The following CADM2 variants were observed in gnomAD, a reference collection of about 807,000 sequenced individuals.
The protein encoded by CADM2 is cell adhesion molecule 2.
In CADM2, 12 loss-of-function variants were observed where a neutral mutation model predicts 49.8. That is an observed-to-expected ratio of 0.24 (90% CI 0.15 to 0.39). The LOEUF (loss-of-function observed/expected upper bound fraction) is 0.39. Among genes scored for constraint, CADM2 ranks in the 10% least tolerant of loss-of-function variants. The probability of loss-of-function intolerance (pLI) is 1.00; values close to 1 mark genes in which losing one functional copy is unlikely to be tolerated. For synonymous variants in CADM2, 214 were observed against 175.4 expected, an observed-to-expected ratio of 1.22 and a Z score of -1.74; for missense variants, 378 against 492.3, an observed-to-expected ratio of 0.77 and a Z score of 2.20.
At chr3:85,262,831 A>G (rs1420589571) in intron 1 of CADM2, among the ~76,000 whole-genome samples, 1 of 152,146 alleles carries the variant, frequency 6.6e-6, no homozygotes, top group Non-Finnish European at 1.5e-5. Context: ...AGACACTTTC[A>G]CAATGTGAGG....
chr3:85,939,317 A>G (rs540288009), intron 7 of CADM2, among the ~76,000 whole-genome samples: 27 of 152,166 alleles, frequency 1.8e-4, no homozygotes, highest in Non-Finnish European at 3.5e-4. Context: ...ATGTCTGTCC[A>G]TTGTTTTAAT....
intron 1 of CADM2, among the ~76,000 whole-genome samples, chr3:85,189,070 TAAA>T (rs2107719903): frequency 1.3e-5 from 2 of 148,450 alleles, no homozygotes; most frequent in East Asian, 3.9e-4. Flanking sequence ...ATAAAATAAA[TAAA>T]TAAATAAATA....
intron 1 of CADM2, among the ~76,000 whole-genome samples, chr3:85,637,956 A>C (rs2064568736): frequency 6.6e-6 from 1 of 152,224 alleles, no homozygotes; most frequent in South Asian, 2.1e-4. Context: ...TCTGATGTTT[A>C]ATGCTGTATT....
chr3:85,448,155 C>T (rs1029864170), intron 1 of CADM2, among the ~76,000 whole-genome samples: 8 of 151,748 alleles, frequency 5.3e-5, no homozygotes, highest in African/African-American at 1.7e-4. Context: ...TACCGTGAAA[C>T]CCCGTCTCTA....
chr3:85,652,485 T>C (rs752716916), intron 1 of CADM2, among the ~76,000 whole-genome samples: 9 of 152,216 alleles, frequency 5.9e-5, no homozygotes, highest in Non-Finnish European at 7.3e-5. Context: ...ATCTCAATGC[T>C]TGACTTGGAA....
In CADM2 at chr3:85,257,939, C is replaced by T. The variant is rs554983549; in HGVS notation, c.61+298271C>T. On this transcript the variant is annotated intron_variant, in intron 1 of 9. Transcript: ENST00000383699. ...ACATCATAACCTGGGAGAGCTGTTACATCAGTATAATGTCTTTTTCTTAAA... is the reference window on the plus strand; with the variant it reads ...ACATCATAACCTGGGAGAGCTGTTATATCAGTATAATGTCTTTTTCTTAAA... Among the ~76,000 whole-genome samples, 7 of 152,170 alleles carry T rather than the reference C, an allele frequency of 4.6e-5. No homozygotes were observed. In the East Asian group the frequency reaches 1.2e-3, roughly 25 times the overall value.
At chr3:85,334,325 A>T (rs571474815) in intron 1 of CADM2, among the ~76,000 whole-genome samples, 2 of 151,702 alleles carry the variant, frequency 1.3e-5, no homozygotes, top group South Asian at 4.1e-4. Flanking sequence ...ATGATGTCTC[A>T]GGCTTACATC....
rs577003788 is a variant in CADM2, at chr3:85,106,001, G to C, written c.61+146333G>C. On this transcript the variant is annotated intron_variant, in intron 1 of 9. Transcript: ENST00000383699. ...GGAGATATACCTAATGCTAAATGAC[G>C]AGTTAATGGGTGCAGCACACCAGCA... is the stretch of plus-strand genomic sequence containing the variant. 4.6e-5 allele frequency among the ~76,000 whole-genome samples: 7 copies of C among 152,098 alleles called. No individual in the cohort carries two copies. The East Asian group carries it at 9.7e-4, about 21-fold the overall frequency.
At chr3:85,961,712 A>C in intron 8 of CADM2, 65 bp downstream of exon 8, 1 of 1,266,102 alleles carries the variant, frequency 7.9e-7, no homozygotes, top group Non-Finnish European at 1.1e-6. Flanking sequence ...ATTTAAATAT[A>C]TCAGAATTTT....
intron 1 of CADM2, among the ~76,000 whole-genome samples, chr3:85,697,542 A>G (rs1048707524): frequency 6.6e-6 from 1 of 152,178 alleles, no homozygotes; most frequent in Non-Finnish European, 1.5e-5. Flanking sequence ...TAAAGAAAAA[A>G]TATGTTTTTG....
chr3:85,601,191 T>TCAC (rs2063395097), intron 1 of CADM2, among the ~76,000 whole-genome samples: 1 of 130,186 alleles, frequency 7.7e-6, no homozygotes, highest in Non-Finnish European at 1.6e-5. Context: ...CACACACACA[T>TCAC]ACATGTCATT....
intron 1 of CADM2, among the ~76,000 whole-genome samples, chr3:85,618,091 A>T (rs1250966732): frequency 6.6e-6 from 1 of 152,218 alleles, no homozygotes; most frequent in Non-Finnish European, 1.5e-5. Context: ...AAAATTTAGG[A>T]ATTGTTTTGT....
chr3:85,972,064 G>T (rs1167328435), intron 8 of CADM2, among the ~76,000 whole-genome samples: 1 of 151,582 alleles, frequency 6.6e-6, no homozygotes, highest in African/African-American at 2.4e-5. Flanking sequence ...GAGGAGGCGT[G>T]TACTGGTGAG....
In CADM2 at chr3:85,921,008, C is replaced by T. The variant is rs1231561489; in HGVS notation, c.700+8465C>T. Among the ~76,000 whole-genome samples the T allele has an allele frequency of 2.6e-5, 4 of 151,768 alleles. No homozygotes were observed. In the East Asian group the frequency reaches 5.8e-4, roughly 22 times the overall value. Reference sequence around the variant, plus strand: ...TTCATAAAGAGGCAGTAAAACATAACATCAAAATTATGGAATGTATGTATA... The same window carrying T: ...TTCATAAAGAGGCAGTAAAACATAATATCAAAATTATGGAATGTATGTATA... On this transcript the variant is annotated intron_variant, in intron 6 of 9. Transcript: ENST00000383699.
intron 1 of CADM2, among the ~76,000 whole-genome samples, chr3:85,574,086 A>G (rs1465599534): frequency 1.3e-5 from 2 of 152,140 alleles, no homozygotes; most frequent in Non-Finnish European, 2.9e-5. Flanking sequence ...ACCCTTAGCT[A>G]TGTGGGATCA....
chr3:85,343,371 T>C (rs2030155420), intron 1 of CADM2, among the ~76,000 whole-genome samples: 1 of 152,308 alleles, frequency 6.6e-6, no homozygotes, highest in East Asian at 1.9e-4. Context: ...GAAACCCAGA[T>C]AACTTGGATC....
intron 1 of CADM2, among the ~76,000 whole-genome samples, chr3:85,003,970 G>A (rs1310806179): frequency 6.6e-6 from 1 of 152,006 alleles, no homozygotes; most frequent in Non-Finnish European, 1.5e-5. Flanking sequence ...AAAAATAGAA[G>A]TCTCTAGTAA....
chr3:85,200,145 T>G (rs2041455488), intron 1 of CADM2, among the ~76,000 whole-genome samples: 1 of 152,052 alleles, frequency 6.6e-6, no homozygotes, highest in Non-Finnish European at 1.5e-5. Flanking sequence ...TTAAGCAAGT[T>G]TCTACTTTCT....
intron 2 of CADM2, among the ~76,000 whole-genome samples, chr3:85,742,222 T>A: frequency 6.6e-6 from 1 of 152,222 alleles, no homozygotes; most frequent in East Asian, 1.9e-4. Flanking sequence ...CATCTAGTGG[T>A]TCCTATGCCA....
Sources: gnomAD v4.1 joint callset for allele counts (sites outside exome capture counted in the v4.1 genomes callset) on GRCh38, gnomAD v4.1.1 for gene constraint, MANE v1.5 for transcripts, NCBI Gene and HGNC (gene_info 2026-07-23, HGNC 2026-07-21) for gene names.